CDH13: variants seen among roughly 807,000 people sequenced by gnomAD.
CDH13 encodes the protein cadherin-13.
In CDH13, 24 loss-of-function variants were observed where a neutral mutation model predicts 63.8. The observed-to-expected ratio is 0.38, with a 90% CI of 0.27 to 0.53. CDH13 has a LOEUF of 0.53. Ranked by LOEUF, CDH13 falls within the 20% of genes least tolerant of loss-of-function variation. CDH13 has a pLI of 0.85. For synonymous variants in CDH13, 503 were observed against 355.3 expected, an observed-to-expected ratio of 1.42 and a Z score of -4.67; for missense variants, 1,049 against 903.1, an observed-to-expected ratio of 1.16 and a Z score of -2.07.
intron 10 of CDH13, among the ~76,000 whole-genome samples, chr16:83,727,327 C>T (rs2150946392): frequency 6.6e-6 from 1 of 152,198 alleles, no homozygotes; most frequent in South Asian, 2.1e-4. Flanking sequence ...TGGGAAGGGA[C>T]GCTGCTGAGT....
At chr16:82,848,965 G>T (rs2039374620) in intron 1 of CDH13, among the ~76,000 whole-genome samples, 1 of 152,188 alleles carries the variant, frequency 6.6e-6, no homozygotes. Flanking sequence ...CTACTCCACT[G>T]AACATATGAA....
rs529875578 is a variant in CDH13, at chr16:82,986,211, C to T, written c.158-45799C>T. On this transcript the variant is annotated intron_variant, in intron 2 of 13. Transcript: ENST00000567109. ...GCACTCTGTAGAGATCAATACTGTC[C>T]CTAGGATGCTGTGAATTTTCATATT... Among the ~76,000 whole-genome samples the T allele has an allele frequency of 3.9e-5, 6 of 152,228 alleles. No individual in the cohort carries two copies. The South Asian group carries it at 1.2e-3, about 32-fold the overall frequency.
intron 6 of CDH13, among the ~76,000 whole-genome samples, chr16:83,347,228 C>A (rs368678012): frequency 6.6e-6 from 1 of 152,118 alleles, no homozygotes; most frequent in East Asian, 1.9e-4. Flanking sequence ...AATAACAAAC[C>A]CTAACTGGCT....
At chr16:83,073,096 C>G (rs1288180620) in intron 3 of CDH13, among the ~76,000 whole-genome samples, 6 of 152,122 alleles carry the variant, frequency 3.9e-5, no homozygotes, top group Non-Finnish European at 8.8e-5. Flanking sequence ...TCGTGACAAC[C>G]TGGAACCCCA....
chr16:82,966,203 C>T (rs1438061905), intron 2 of CDH13, among the ~76,000 whole-genome samples: 1 of 152,218 alleles, frequency 6.6e-6, no homozygotes, highest in Non-Finnish European at 1.5e-5. Context: ...GGCTGGAGTG[C>T]AGTGGTGCGA....
chr16:83,260,550 C>G lies in CDH13; in HGVS notation c.636+43053C>G, dbSNP rs568238518. On this transcript the variant is annotated intron_variant, in intron 5 of 13. Coordinates refer to ENST00000567109, the MANE Select transcript of CDH13 (RefSeq NM_001257.5). ...GGAGTGCTGGAGCAACTCTGTGCAT[C>G]GGAATCACCCGGGATCCCAGCAGGT... Among the ~76,000 whole-genome samples the G allele has an allele frequency of 9.7e-4, 147 of 152,260 alleles. No homozygotes were observed. The Middle Eastern group carries it at 0.01, about 11-fold the overall frequency.
In CDH13 at chr16:83,724,348, T is replaced by G. The variant is rs1309316313; in HGVS notation, c.1539-23760T>G. Among the ~76,000 whole-genome samples the G allele has an allele frequency of 2.7e-5, 4 of 148,244 alleles. No homozygotes were observed. In the East Asian group the frequency reaches 6.0e-4, roughly 22 times the overall value. ...GATGAGTGTGGAATGCATGGCTGAG[T>G]GATGAATGCATGGGTGGGGGATGAA... On this transcript the variant is annotated intron_variant, in intron 10 of 13. Transcript: ENST00000567109.
At chr16:82,758,146 GA>G (rs1436252151) in intron 1 of CDH13, among the ~76,000 whole-genome samples, 2 of 152,120 alleles carry the variant, frequency 1.3e-5, no homozygotes, top group Admixed American at 1.3e-4. Context: ...GACCAATTGG[GA>G]AAAGACCTGG....
chr16:82,906,061 A>G (rs1476322926), intron 2 of CDH13, among the ~76,000 whole-genome samples: 1 of 152,196 alleles, frequency 6.6e-6, no homozygotes, highest in African/African-American at 2.4e-5. Flanking sequence ...CCTGTCTAAT[A>G]TCTGTCATCG....
intron 5 of CDH13, among the ~76,000 whole-genome samples, chr16:83,220,568 C>T (rs977980070): frequency 2.0e-5 from 3 of 148,340 alleles, no homozygotes; most frequent in African/African-American, 5.0e-5. Context: ...CAAACCTGTA[C>T]GTTGTGCACA....
rs188231567 is a variant in CDH13, at chr16:83,004,157, C to G, written c.158-27853C>G. 4.4e-3 allele frequency among the ~76,000 whole-genome samples: 668 copies of G among 152,264 alleles called. 4 individuals are homozygous for G. The highest frequency in any genetic ancestry group is 0.012 in the African/African-American group (492 of 41,558). On this transcript the variant is annotated intron_variant, in intron 2 of 13. Coordinates refer to ENST00000567109, the MANE Select transcript of CDH13 (RefSeq NM_001257.5). ...GTCCGACCAGCAGAAACCTACAGCC[C>G]CAGGCCAGCTGAATCCCATTCCTTA... is the stretch of plus-strand genomic sequence containing the variant.
At chr16:83,252,516 G>A (rs866095059) in intron 5 of CDH13, among the ~76,000 whole-genome samples, 4 of 152,116 alleles carry the variant, frequency 2.6e-5, no homozygotes, top group Middle Eastern at 3.4e-3. Flanking sequence ...AGTGAATTCC[G>A]TTATCTTTCC....
chr16:82,651,491 A>T (rs566582343), intron 1 of CDH13, among the ~76,000 whole-genome samples: 1 of 152,346 alleles, frequency 6.6e-6, no homozygotes, highest in African/African-American at 2.4e-5. Context: ...TTCTGACTCC[A>T]TATTACTTTG....
At chr16:82,968,580 G>C (rs1908214740) in intron 2 of CDH13, among the ~76,000 whole-genome samples, 1 of 152,078 alleles carries the variant, frequency 6.6e-6, no homozygotes, top group Admixed American at 6.5e-5. Context: ...ACACACTGCA[G>C]TGTAATTCCC....
chr16:83,486,742 T>A (rs1011689527), intron 7 of CDH13, 87 bp downstream of exon 7: 1 of 1,250,348 alleles, frequency 8.0e-7, no homozygotes, highest in Non-Finnish European at 1.2e-6. Context: ...AGTCAGTGGT[T>A]TTTTTTAATA....
intron 1 of CDH13, among the ~76,000 whole-genome samples, chr16:82,708,429 T>C (rs1055129124): frequency 2.0e-5 from 3 of 152,174 alleles, no homozygotes; most frequent in African/African-American, 7.2e-5. Flanking sequence ...ATGAGAGCTC[T>C]CCTTCGTGCT....
At chr16:83,604,268 C>G (rs1009637655) in intron 8 of CDH13, among the ~76,000 whole-genome samples, 29 of 152,270 alleles carry the variant, frequency 1.9e-4, no homozygotes, top group Non-Finnish European at 3.2e-4. Flanking sequence ...TTGCTCCATT[C>G]TCTGACTTCC....
chr16:82,687,368 GGT>G (rs959752036), intron 1 of CDH13, among the ~76,000 whole-genome samples: 1 of 152,108 alleles, frequency 6.6e-6, no homozygotes, highest in African/African-American at 2.4e-5. Context: ...GGTCTATGTG[GGT>G]GTATTAGTCG....
intron 4 of CDH13, among the ~76,000 whole-genome samples, chr16:83,140,797 T>A (rs1393314339): frequency 6.6e-6 from 1 of 152,222 alleles, no homozygotes; most frequent in Non-Finnish European, 1.5e-5. Flanking sequence ...ATAAAATGAC[T>A]GAAGAGCACC....
Sources: allele counts gnomAD v4.1 joint callset (sites outside exome capture counted in the v4.1 genomes callset), GRCh38; gene constraint gnomAD v4.1.1; transcripts MANE v1.5; gene names NCBI Gene and HGNC (gene_info 2026-07-23, HGNC 2026-07-21).